Variants in MVB12B observed in about 807,000 individuals in gnomAD.
The protein encoded by MVB12B is ESCRT-I complex subunit MVB12B.
A neutral mutation model predicts 41.6 loss-of-function variants in MVB12B; 16 were observed. The ratio of observed to expected loss-of-function variants is 0.38; its 90% CI spans 0.26 to 0.58. The LOEUF (loss-of-function observed/expected upper bound fraction) is 0.58, where lower values mean the gene tolerates loss of function less well. MVB12B is among the 20% of genes least tolerant of loss of function. MVB12B has a pLI of 0.62. For synonymous variants in MVB12B, 133 were observed against 139.7 expected, an observed-to-expected ratio of 0.95 and a Z score of 0.34; for missense variants, 274 against 380.2, an observed-to-expected ratio of 0.72 and a Z score of 2.32.
chr9:126,501,510 CCCAGCTGAGACTCGGG>C (rs1228714451), intron 9 of MVB12B, among the ~76,000 whole-genome samples: 1 of 152,350 alleles, frequency 6.6e-6, no homozygotes, highest in East Asian at 1.9e-4. Flanking sequence ...CAGCCTCAGC[CCCAGCTGAGACTCGGG>C]TCTGTCCATC....
In MVB12B at chr9:126,473,076, C is replaced by T. The variant is rs997772508; in HGVS notation, c.758-8293C>T. Reference sequence around the variant, plus strand: ...GCAGAAGCCAGGGTTAGGTGACCAGCCCTCCCTACGTGGTGGGTGCTTTAT... The same window carrying T: ...GCAGAAGCCAGGGTTAGGTGACCAGTCCTCCCTACGTGGTGGGTGCTTTAT... On this transcript the variant is annotated intron_variant, in intron 7 of 9. Transcript: ENST00000361171. The surrounding 1 kb of genome is among the most constrained non-coding windows in gnomAD (Gnocchi z 4.0). 2.2e-4 allele frequency among the ~76,000 whole-genome samples: 34 copies of T among 152,182 alleles called. No homozygotes were observed. Among genetic ancestry groups the T allele is most frequent in the African/African-American group, 8.0e-4 (33 of 41,416 alleles).
rs527857368 is a variant in MVB12B at position 126,447,684 on chromosome 9, C to A, written c.757+25736C>A. On this transcript the variant is annotated intron_variant, in intron 7 of 9. Transcript: ENST00000361171. ...GTTTGAGATACACTCCCACCATCAA[C>A]GTTTTTTGATCAAGTAGGATGGATG... Among the ~76,000 whole-genome samples, 5 of 152,194 alleles carry A rather than the reference C, an allele frequency of 3.3e-5. No homozygotes were observed. The South Asian group carries it at 1.0e-3, about 32-fold the overall frequency.
At chr9:126,471,595 G>C (rs1833316544) in intron 7 of MVB12B, among the ~76,000 whole-genome samples, 1 of 152,176 alleles carries the variant, frequency 6.6e-6, no homozygotes, top group African/African-American at 2.4e-5. Context: ...TCCCCAAAGT[G>C]AAATCACCAA....
chr9:126,447,751 A>T (rs1832810754), intron 7 of MVB12B, among the ~76,000 whole-genome samples: 1 of 152,184 alleles, frequency 6.6e-6, no homozygotes, highest in Admixed American at 6.5e-5. Context: ...TCATTCATTC[A>T]ATTTGACCAA....
chr9:126,421,048 TG>T (rs1831999869), intron 6 of MVB12B, among the ~76,000 whole-genome samples: 1 of 152,196 alleles, frequency 6.6e-6, no homozygotes, highest in Admixed American at 6.5e-5. Flanking sequence ...GAGGTTTTGT[TG>T]TTTTTTTCCC....
chr9:126,465,280 C>T (rs554344373), intron 7 of MVB12B, among the ~76,000 whole-genome samples: 1 of 152,218 alleles, frequency 6.6e-6, no homozygotes, highest in Non-Finnish European at 1.5e-5. Context: ...TCTTAAACAT[C>T]TTCTAGCCCA....
rs1474253467 is a variant in MVB12B, at chr9:126,370,396, T to C, written c.205-10668T>C. The stretch of plus-strand genomic sequence containing the variant: ...GAGGGGCTCTTTTTTTTTTTTTTTT[T>C]TCCCCAGACAGAGTCTCGTTCTGTT... On this transcript the variant is annotated intron_variant, in intron 2 of 9. Coordinates refer to ENST00000361171, the MANE Select transcript of MVB12B (RefSeq NM_033446.3). 4.6e-5 allele frequency among the ~76,000 whole-genome samples: 7 copies of C among 151,318 alleles called. No homozygotes were observed. In the East Asian group the frequency reaches 1.4e-3, roughly 29 times the overall value.
At chr9:126,465,637 C>T (rs559861592) in intron 7 of MVB12B, among the ~76,000 whole-genome samples, 1 of 144,478 alleles carries the variant, frequency 6.9e-6, no homozygotes, top group East Asian at 2.0e-4. Flanking sequence ...TGGAGCTTAC[C>T]CTTTAAATGC....
intron 7 of MVB12B, among the ~76,000 whole-genome samples, chr9:126,424,080 G>C (rs1485997536): frequency 6.6e-6 from 1 of 152,180 alleles, no homozygotes; most frequent in African/African-American, 2.4e-5. Flanking sequence ...CTCCTGGCGG[G>C]CTCTGTGTCC....
In MVB12B at chr9:126,505,799, T is replaced by C. The variant is rs1834057682; in HGVS notation, c.*2536T>C. 1 of 152,156 alleles carries C rather than the reference T, an allele frequency of 6.6e-6. No homozygotes were observed. Among genetic ancestry groups the C allele is most frequent in the South Asian group, 2.1e-4 (1 of 4,824 alleles). The allele number at this position is 152,156 out of a possible 1,614,324, so 9.4% of individuals were successfully genotyped here. On this transcript the variant is annotated 3_prime_UTR_variant, in exon 10 of 10. Coordinates refer to ENST00000361171, the MANE Select transcript of MVB12B (RefSeq NM_033446.3). ...AGGAATTGAGAGCGTTTCTGTCTTT[T>C]GGGAGAGTACTTTTCTCCACGAGCC...
At chr9:126,343,254 A>G (rs1829497838) in intron 2 of MVB12B, among the ~76,000 whole-genome samples, 1 of 152,156 alleles carries the variant, frequency 6.6e-6, no homozygotes. Context: ...TCTGTTCTGC[A>G]CCCACACTAT....
chr9:126,385,820 G>A (rs1031074679), intron 3 of MVB12B, among the ~76,000 whole-genome samples: 16 of 152,184 alleles, frequency 1.1e-4, no homozygotes, highest in Non-Finnish European at 2.4e-4. Context: ...TATCTTTAGA[G>A]CTCATTTCCA....
chr9:126,438,463 T>G (rs1401448092), intron 7 of MVB12B, among the ~76,000 whole-genome samples: 1 of 152,162 alleles, frequency 6.6e-6, no homozygotes, highest in Non-Finnish European at 1.5e-5. Context: ...CCAAAGTGTC[T>G]GTTTATCACC....
intron 6 of MVB12B, among the ~76,000 whole-genome samples, chr9:126,419,840 G>A (rs1831948311): frequency 6.6e-6 from 1 of 152,156 alleles, no homozygotes; most frequent in Admixed American, 6.5e-5. Context: ...ACTCCCCAAG[G>A]TCAGGGCCTG....
chr9:126,483,844 T>C, intron 8 of MVB12B, 129 bp from the exon 9 acceptor site: 1 of 918,512 alleles, frequency 1.1e-6, no homozygotes, highest in South Asian at 1.5e-5. Context: ...ACTGTCTTCC[T>C]GTGGAAAGTG....
At chr9:126,369,104 A>G (rs938882907) in intron 2 of MVB12B, among the ~76,000 whole-genome samples, 4 of 152,224 alleles carry the variant, frequency 2.6e-5, no homozygotes, top group Non-Finnish European at 5.9e-5. Context: ...CAAAGCTTTT[A>G]GTGCATGCTT....
chr9:126,396,002 A>T (rs1256281460), intron 6 of MVB12B: 2 of 1,160,052 alleles, frequency 1.7e-6, no homozygotes, highest in East Asian at 1.0e-4. Flanking sequence ...CACGTGCTGT[A>T]TAGCCATGGG....
chr9:126,396,233 G>A (rs529409124), intron 6 of MVB12B: 1 of 986,982 alleles, frequency 1.0e-6, no homozygotes, highest in Admixed American at 6.0e-5. Context: ...AGAAACTTGG[G>A]TGAGCCAACT....
At chr9:126,450,594 G>C (rs1054876114) in intron 7 of MVB12B, among the ~76,000 whole-genome samples, 15 of 152,190 alleles carry the variant, frequency 9.9e-5, no homozygotes, top group African/African-American at 3.4e-4. Flanking sequence ...TGCCAGAACA[G>C]ATGTTGGTCA....
Sources: allele counts gnomAD v4.1 joint callset (sites outside exome capture counted in the v4.1 genomes callset), GRCh38; gene constraint gnomAD v4.1.1; non-coding constraint Gnocchi (gnomAD v3.1); transcripts MANE v1.5; gene names NCBI Gene and HGNC (gene_info 2026-07-23, HGNC 2026-07-21).